The following RASGRF2 variants were observed in gnomAD, a reference collection of about 807,000 sequenced individuals.
RASGRF2 encodes the protein ras-specific guanine nucleotide-releasing factor 2.
In RASGRF2, 76 loss-of-function variants were observed where a neutral mutation model predicts 151.0. The observed-to-expected ratio is 0.50, with a 90% CI of 0.42 to 0.61. The LOEUF (loss-of-function observed/expected upper bound fraction) is 0.61. Ranked by LOEUF, RASGRF2 falls within the 20% of genes least tolerant of loss-of-function variation. The pLI, the probability that RASGRF2 is intolerant of heterozygous loss-of-function variation, is 0.00. For missense variants in RASGRF2, 1,148 were observed against 1,564.6 expected (o/e 0.73, Z 4.49); for synonymous variants, 504 against 566.5 (o/e 0.89, Z 1.57).
Position 80,961,007 on chromosome 5 carries a change from G to A in RASGRF2, c.269G>A (p.Arg90Gln), listed in dbSNP as rs1472489872. The A allele has an allele frequency of 1.3e-6, 2 of 1,515,422 alleles. No individual in the cohort carries two copies. Among genetic ancestry groups the A allele is most frequent in the African/African-American group, 1.4e-5 (1 of 72,328 alleles). The allele number at this position is 1,515,422 out of a possible 1,614,324, so 93.9% of individuals were successfully genotyped here. A position where few individuals can be genotyped will look rare whatever the true frequency, so the allele number is the denominator to read the frequency against. Reference protein sequence around the residue: ...PRAGAGQGGVRDALDKQYYFT... With the variant: ...PRAGAGQGGVQDALDKQYYFT... ...GCCGGCGCCGGGCAGGGAGGCGTCC[G>A]AGACGCGCTGGACAAGCAGGTACCG... The change falls in exon 1 of 27, where the codon CGA (arginine) becomes CAA (glutamine). Residue 90 changes from arginine (R) to glutamine (Q), a missense_variant. By Grantham distance (43) the Arg-to-Gln change is conservative. Around this residue, in one of 5 missense-constraint regions of RASGRF2, gnomAD observed 221 missense variants for 271.3 expected, o/e 0.81. Coordinates refer to ENST00000265080, the MANE Select transcript of RASGRF2 (RefSeq NM_006909.3).
rs58105434 is a variant in RASGRF2 at position 81,008,139 on chromosome 5, C to CTTTTTTTTTTTTTTTT, written c.289-34724_289-34709dup. On this transcript the variant is annotated intron_variant, in intron 1 of 26. Coordinates refer to ENST00000265080, the MANE Select transcript of RASGRF2 (RefSeq NM_006909.3). ...AGTTTTCTTTTTCTTTCTTTCTTTCCTTTTTTTTTTTTTTTTTTTTTTTTT... is the reference window on the plus strand; with the variant it reads ...AGTTTTCTTTTTCTTTCTTTCTTTCCTTTTTTTTTTTTTTTTTTTTTTTTTTTTTTTTTTTTTTTTT... Among the ~76,000 whole-genome samples the CTTTTTTTTTTTTTTTT allele has an allele frequency of 1.1e-4, 9 of 85,390 alleles. 2 individuals are homozygous for CTTTTTTTTTTTTTTTT. Among genetic ancestry groups the CTTTTTTTTTTTTTTTT allele is most frequent in the African/African-American group, 1.9e-4 (4 of 21,470 alleles). The allele number at this position is 85,390 out of a possible 152,430, so 56.0% of individuals were successfully genotyped here.
At chr5:81,115,524 A>C (rs1232065384) in intron 15 of RASGRF2, among the ~76,000 whole-genome samples, 1 of 152,170 alleles carries the variant, frequency 6.6e-6, no homozygotes, top group Non-Finnish European at 1.5e-5. Flanking sequence ...GATCATGGCA[A>C]GTTTTTTCAC....
At chr5:80,987,851 C>G (rs990419389) in intron 1 of RASGRF2, among the ~76,000 whole-genome samples, 2 of 152,128 alleles carry the variant, frequency 1.3e-5, no homozygotes, top group African/African-American at 4.8e-5. Flanking sequence ...GTGTGAAATT[C>G]TCTTCTCCCA....
In RASGRF2 at chr5:81,153,947, A is replaced by C. The variant is rs1283300095; in HGVS notation, c.2687-26228A>C. ...ATAGACTGTAAGACCAAAAAAAAAA[A>C]AAAACTTATTAACAGCAAAGAGCGG... On this transcript the variant is annotated intron_variant, in intron 17 of 26. Coordinates refer to ENST00000265080, the MANE Select transcript of RASGRF2 (RefSeq NM_006909.3). 3.3e-5 allele frequency among the ~76,000 whole-genome samples: 5 copies of C among 151,816 alleles called. No individual in the cohort carries two copies. In the East Asian group the frequency reaches 9.6e-4, roughly 29 times the overall value.
chr5:81,059,773 G>C (rs544491714), intron 2 of RASGRF2, among the ~76,000 whole-genome samples: 1 of 152,208 alleles, frequency 6.6e-6, no homozygotes, highest in Non-Finnish European at 1.5e-5. Context: ...GAACCCAGGA[G>C]GCGGAGGTTG....
At chr5:81,133,636 G>T (rs547543795) in intron 17 of RASGRF2, among the ~76,000 whole-genome samples, 1 of 152,176 alleles carries the variant, frequency 6.6e-6, no homozygotes, top group Non-Finnish European at 1.5e-5. Context: ...ATTTTTATGA[G>T]AGTAGAAATC....
intron 18 of RASGRF2, among the ~76,000 whole-genome samples, chr5:81,187,962 A>G (rs1755068283): frequency 6.6e-6 from 1 of 152,182 alleles, no homozygotes; most frequent in Non-Finnish European, 1.5e-5. Context: ...CAAATCTGAA[A>G]TGGAGGTTGG....
chr5:81,113,370 C>T (rs894087531), intron 14 of RASGRF2, 168 bp from the exon 15 acceptor site: 8 of 779,134 alleles, frequency 1.0e-5, no homozygotes, highest in African/African-American at 8.8e-5. Context: ...GTCTGTGCTT[C>T]TTTGGCAGGT....
At chr5:81,164,154 T>C (rs1754452839) in intron 17 of RASGRF2, among the ~76,000 whole-genome samples, 1 of 152,180 alleles carries the variant, frequency 6.6e-6, no homozygotes, top group Non-Finnish European at 1.5e-5. Flanking sequence ...CTAAAAATGA[T>C]GCTTTCAATG....
chr5:80,965,143 A>G (rs1747683307), intron 1 of RASGRF2, among the ~76,000 whole-genome samples: 1 of 152,120 alleles, frequency 6.6e-6, no homozygotes, highest in Non-Finnish European at 1.5e-5. Flanking sequence ...CTTCATTACT[A>G]GTCATTTTAG....
chr5:81,135,815 T>C (rs1041456602), intron 17 of RASGRF2, among the ~76,000 whole-genome samples: 2 of 152,212 alleles, frequency 1.3e-5, no homozygotes, highest in African/African-American at 2.4e-5. Flanking sequence ...ATTTGCTAGG[T>C]TGTGTGATAA....
At chr5:80,969,788 A>G (rs1747863049) in intron 1 of RASGRF2, among the ~76,000 whole-genome samples, 1 of 144,624 alleles carries the variant, frequency 6.9e-6, no homozygotes, top group Non-Finnish European at 1.5e-5. Flanking sequence ...AGAGTTTCCT[A>G]CACAGATGCC....
intron 18 of RASGRF2, among the ~76,000 whole-genome samples, chr5:81,181,809 G>A (rs1474454836): frequency 6.6e-6 from 1 of 151,964 alleles, no homozygotes; most frequent in Non-Finnish European, 1.5e-5. Context: ...TCCAGCCTTG[G>A]TTCCCCTATT....
At chr5:81,000,847 G>C (rs139252597) in intron 1 of RASGRF2, among the ~76,000 whole-genome samples, 1,866 of 152,298 alleles carry the variant, frequency 0.012, 17 homozygotes, top group South Asian at 0.02. Context: ...TCAAAATACA[G>C]AACAACGTGC....
chr5:80,991,312 G>T (rs1748642861), intron 1 of RASGRF2, among the ~76,000 whole-genome samples: 1 of 152,146 alleles, frequency 6.6e-6, no homozygotes, highest in South Asian at 2.1e-4. Flanking sequence ...GTGTGTGTGT[G>T]TGTTGGGGGG....
intron 17 of RASGRF2, among the ~76,000 whole-genome samples, chr5:81,149,697 G>A (rs1754090814): frequency 6.6e-6 from 1 of 151,854 alleles, no homozygotes; most frequent in Non-Finnish European, 1.5e-5. Flanking sequence ...AGGGAGAGAA[G>A]CCTCTCATTC....
At chr5:81,020,234 C>G (rs1321744144) in intron 1 of RASGRF2, among the ~76,000 whole-genome samples, 10 of 152,136 alleles carry the variant, frequency 6.6e-5, no homozygotes, top group Non-Finnish European at 1.5e-5. Context: ...AGTATCTGTT[C>G]TTACTGTTCT....
At chr5:81,118,351 C>T (rs569686607) in intron 15 of RASGRF2, among the ~76,000 whole-genome samples, 1 of 152,282 alleles carries the variant, frequency 6.6e-6, no homozygotes, top group Admixed American at 6.5e-5. Flanking sequence ...GTGCGGTGGC[C>T]GAAGCTGTAC....
intron 1 of RASGRF2, among the ~76,000 whole-genome samples, chr5:80,994,759 T>C (rs544942659): frequency 5.3e-5 from 8 of 152,192 alleles, no homozygotes; most frequent in Non-Finnish European, 1.2e-4. Context: ...CAAGCATGGG[T>C]ATGTACTCTC....
Sources: allele counts gnomAD v4.1 joint callset (sites outside exome capture counted in the v4.1 genomes callset), GRCh38; gene constraint gnomAD v4.1.1; regional missense constraint gnomAD v4.1.1; transcripts MANE v1.5; gene names NCBI Gene and HGNC (gene_info 2026-07-23, HGNC 2026-07-21).